Variants in KDM1A observed in about 807,000 individuals in gnomAD.
KDM1A encodes lysine demethylase 1A.
A neutral mutation model predicts 109.4 loss-of-function variants in KDM1A; 49 were observed. The observed-to-expected ratio is 0.45, with a 90% CI of 0.36 to 0.57. The LOEUF is 0.57. Ranked by LOEUF, KDM1A falls within the 20% of genes least tolerant of loss-of-function variation. The pLI is 0.00. For synonymous variants in KDM1A, 380 were observed against 415.4 expected, an observed-to-expected ratio of 0.91 and a Z score of 1.04; for missense variants, 668 against 1,116.6, an observed-to-expected ratio of 0.60 and a Z score of 5.73.
Position 23,019,828 on chromosome 1 carries a change from C to G in KDM1A, c.232C>G (p.Pro78Ala). ...ASPPGGLAEP[P>A]GSAGPQAGPT... is the part of the protein sequence containing the mutation. ...GCCCCCCGGGGGCCTGGCGGAACCG[C>G]CGGGGTCCGCAGGGCCTCAGGCCGG... The change falls in exon 1 of 21, where the codon CCG (proline) becomes GCG (alanine). Residue 78 changes from proline (P) to alanine (A), a missense_variant. By Grantham distance (27) the Pro-to-Ala change is conservative (BLOSUM62 -1). Around this residue, in one of 8 missense-constraint regions of KDM1A, gnomAD observed 156 missense variants for 163.4 expected, o/e 0.95. Coordinates refer to ENST00000400181, the MANE Select transcript of KDM1A (RefSeq NM_001009999.3). 1.4e-6 allele frequency: 2 copies of G among 1,435,508 alleles called. No individual in the cohort carries two copies. Among genetic ancestry groups the G allele is most frequent in the Non-Finnish European group, 1.8e-6 (2 of 1,096,448 alleles). 88.9% of individuals were successfully genotyped at this position (1,435,508 alleles called of 1,614,324 possible). A position where few individuals can be genotyped will look rare whatever the true frequency, so the allele number is the denominator to read the frequency against.
At chr1:23,050,296 C>G in intron 3 of KDM1A, 91 bp from the exon 4 acceptor site, 3 of 1,374,794 alleles carry the variant, frequency 2.2e-6, no homozygotes, top group Non-Finnish European at 2.9e-6. Flanking sequence ...AAAGGTCAGT[C>G]TGTGAGTGAG....
intron 12 of KDM1A, among the ~76,000 whole-genome samples, chr1:23,070,386 AT>A (rs1643282905): frequency 6.6e-6 from 1 of 152,014 alleles, no homozygotes; most frequent in Non-Finnish European, 1.5e-5. Context: ...CATGAGAATC[AT>A]TTGAACCTGG....
chr1:23,068,797 GA>G, intron 11 of KDM1A, 116 bp downstream of exon 11: 1 of 859,438 alleles, frequency 1.2e-6, no homozygotes, highest in African/African-American at 1.7e-5. Flanking sequence ...AATTTTGTAT[GA>G]AACCATTGAA....
In KDM1A at chr1:23,079,528, C is replaced by T; in HGVS notation, c.2056-25C>T. ...AGTATTATCTGGCCCCTGTCACTGG[C>T]TCATGTGCTTCTTTCTTATGGTAGG... On this transcript the variant is annotated intron_variant, in intron 17 of 20. Coordinates refer to ENST00000400181, the MANE Select transcript of KDM1A (RefSeq NM_001009999.3). The surrounding 1 kb of genome is among the most constrained non-coding windows in gnomAD (Gnocchi z 5.6). 6.4e-7 allele frequency: 1 copy of T among 1,574,336 alleles called. No homozygotes were observed. The highest frequency in any genetic ancestry group is 8.7e-7 in the Non-Finnish European group (1 of 1,147,044).
intron 2 of KDM1A, among the ~76,000 whole-genome samples, chr1:23,042,440 A>ATTATTATTATTATTATTATTTTTTT (rs1553127465): frequency 4.6e-5 from 1 of 21,560 alleles, no homozygotes; most frequent in African/African-American, 1.6e-4. Context: ...GAAATATATT[A>ATTATTATTATTATTATTATTTTTTT]TTTTTTTTTT....
rs147939451 is a variant in KDM1A at position 23,083,644 on chromosome 1, T to TG, written c.*280_*281insG. On this transcript the variant is annotated 3_prime_UTR_variant, in exon 21 of 21. Transcript: ENST00000400181. ...TCTTAGTCCCTTGGTGTGTGGGGTT[T>TG]TTGTTTTTTTTTTATATTTTGAGAA... The TG allele has an allele frequency of 0.16, 33,586 of 209,670 alleles. 1,692 individuals are homozygous for TG. The highest frequency in any genetic ancestry group is 0.22 in the East Asian group (2,527 of 11,452). The allele number at this position is 209,670 out of a possible 1,614,324, so 13.0% of individuals were successfully genotyped here.
At chr1:23,038,556 A>G (rs938443181) in intron 2 of KDM1A, among the ~76,000 whole-genome samples, 4 of 152,232 alleles carry the variant, frequency 2.6e-5, no homozygotes, top group Non-Finnish European at 5.9e-5. Context: ...ACTGCAGCAA[A>G]ATAAGTAAGG....
rs1383603188 is a variant in KDM1A at position 23,019,773 on chromosome 1, A to G, written c.177A>G (p.Thr59=). The change falls in exon 1 of 21, where the codon ACA becomes ACG. Residue 59 remains threonine, a synonymous_variant. Coordinates refer to ENST00000400181, the MANE Select transcript of KDM1A (RefSeq NM_001009999.3). ...EVGPGAVGER[T]PRKKEPPRAS... ...GGCCGGGGGCGGTGGGGGAGCGCACACCCCGCAAGAAAGAGCCTCCGCGGG... is the reference window on the plus strand; with the variant it reads ...GGCCGGGGGCGGTGGGGGAGCGCACGCCCCGCAAGAAAGAGCCTCCGCGGG... The G allele has an allele frequency of 2.2e-6, 3 of 1,360,992 alleles. No individual in the cohort carries two copies. 84.3% of individuals were successfully genotyped at this position (1,360,992 alleles called of 1,614,324 possible).
At chr1:23,021,030 T>A (rs1641611403) in intron 1 of KDM1A, among the ~76,000 whole-genome samples, 1 of 152,162 alleles carries the variant, frequency 6.6e-6, no homozygotes, top group African/African-American at 2.4e-5. Flanking sequence ...AATTTGCAGA[T>A]TATATAATTT....
chr1:23,024,811 C>G (rs1424403581), intron 1 of KDM1A, among the ~76,000 whole-genome samples: 1 of 152,010 alleles, frequency 6.6e-6, no homozygotes, highest in Non-Finnish European at 1.5e-5. Context: ...GTAAATAAGC[C>G]CTACCTTGTA....
intron 1 of KDM1A, among the ~76,000 whole-genome samples, chr1:23,024,688 A>G (rs1192170651): frequency 6.6e-6 from 1 of 152,236 alleles, no homozygotes; most frequent in Non-Finnish European, 1.5e-5. Context: ...CTCCTTTAGG[A>G]ATGGTGGCCT....
intron 18 of KDM1A, chr1:23,081,050 G>C (rs1048635489): frequency 1.0e-4 from 18 of 175,264 alleles, no homozygotes; most frequent in Admixed American, 9.9e-4. Context: ...AGGGGCCTGG[G>C]ATGGCTAAAA....
Position 23,027,292 on chromosome 1 carries a change from G to A in KDM1A, c.352-3177G>A, listed in dbSNP as rs185953333. ...TTAGAATCCATTTTTTTCCCCCAGC[G>A]ACTAGACCACCAGGGAAGAATCCAA... On this transcript the variant is annotated intron_variant, in intron 1 of 20. Transcript: ENST00000400181. Among the ~76,000 whole-genome samples, 15 of 152,036 alleles carry A rather than the reference G, an allele frequency of 9.9e-5. No individual in the cohort carries two copies. In the Middle Eastern group the frequency reaches 0.01, roughly 103 times the overall value.
In KDM1A at chr1:23,083,588, T is replaced by C; in HGVS notation, c.*224T>C. 4.9e-6 allele frequency: 2 copies of C among 407,496 alleles called. No individual in the cohort carries two copies. Among genetic ancestry groups the C allele is most frequent in the Non-Finnish European group, 8.8e-6 (2 of 227,298 alleles). 25.2% of individuals were successfully genotyped at this position (407,496 alleles called of 1,614,324 possible). On this transcript the variant is annotated 3_prime_UTR_variant, in exon 21 of 21. Transcript: ENST00000400181. The stretch of plus-strand genomic sequence containing the variant: ...TTGGAATTGTGTTCTTCGTAAAGAC[T>C]GAGGCAAGCAAGTGCTGTGAAATAA...
chr1:23,055,906 T>C (rs1233479856), intron 6 of KDM1A, 26 bp from the exon 7 acceptor site: 1 of 1,509,514 alleles, frequency 6.6e-7, no homozygotes, highest in Non-Finnish European at 9.1e-7. Context: ...TAAAACAAAA[T>C]CTTTTTTTTC....
chr1:23,058,740 G>A (rs936449444), intron 8 of KDM1A, among the ~76,000 whole-genome samples: 6 of 152,114 alleles, frequency 3.9e-5, no homozygotes, highest in African/African-American at 1.2e-4. Context: ...ATGTAGCTCC[G>A]TATTAGCGTA....
chr1:23,024,798 C>T (rs539692340), intron 1 of KDM1A, among the ~76,000 whole-genome samples: 1 of 152,184 alleles, frequency 6.6e-6, no homozygotes, highest in Non-Finnish European at 1.5e-5. Flanking sequence ...TCATTTTCCT[C>T]AGGTAAATAA....
rs767918986 is a variant in KDM1A, at chr1:23,071,392, C to T, written c.1548+33C>T. The stretch of plus-strand genomic sequence containing the variant: ...ATACATACATGCCTAACTGGTTTTA[C>T]TTGGAATCCTAAGAAATAGCACAGA... On this transcript the variant is annotated intron_variant, in intron 13 of 20. Transcript: ENST00000400181. 1.5e-5 allele frequency: 24 copies of T among 1,560,664 alleles called. No homozygotes were observed. In the East Asian group the frequency reaches 5.2e-4, roughly 34 times the overall value.
intron 1 of KDM1A, among the ~76,000 whole-genome samples, chr1:23,025,159 A>C (rs952277349): frequency 6.6e-6 from 1 of 152,200 alleles, no homozygotes. Flanking sequence ...CAGTTTCTTC[A>C]GTCACATTAG....
Sources: allele counts gnomAD v4.1 joint callset (sites outside exome capture counted in the v4.1 genomes callset), GRCh38; gene constraint gnomAD v4.1.1; regional missense constraint gnomAD v4.1.1; non-coding constraint Gnocchi (gnomAD v3.1); transcripts MANE v1.5; gene names NCBI Gene and HGNC (gene_info 2026-07-23, HGNC 2026-07-21).